The following THRB variants were observed in gnomAD, a reference collection of about 807,000 sequenced individuals.
THRB encodes the protein thyroid hormone receptor beta.
Under a neutral mutation model 47.8 loss-of-function variants are expected in THRB, and 12 were observed. The ratio of observed to expected loss-of-function variants is 0.25; its 90% CI spans 0.16 to 0.41. The LOEUF (loss-of-function observed/expected upper bound fraction) is 0.41. THRB is among the 10% of genes least tolerant of loss of function. THRB has a pLI of 1.00. For synonymous variants in THRB, 218 were observed against 212.2 expected (o/e 1.03, Z -0.24); for missense variants, 348 against 589.2 (o/e 0.59, Z 4.24).
intron 4 of THRB, among the ~76,000 whole-genome samples, chr3:24,198,083 G>C (rs1559572611): frequency 1.3e-5 from 2 of 152,172 alleles, no homozygotes; most frequent in Admixed American, 1.3e-4. Flanking sequence ...AATCTACCCA[G>C]GTGGCTTTGC....
chr3:24,338,789 C>T (rs2062433807), intron 1 of THRB, among the ~76,000 whole-genome samples: 1 of 152,204 alleles, frequency 6.6e-6, no homozygotes, highest in South Asian at 2.1e-4. Flanking sequence ...TTAAAATTGA[C>T]TTGCTTATTA....
At chr3:24,125,380 G>A (rs2032555449) in intron 10 of THRB, among the ~76,000 whole-genome samples, 1 of 152,164 alleles carries the variant, frequency 6.6e-6, no homozygotes, top group South Asian at 2.1e-4. Flanking sequence ...TAACCAGGAA[G>A]AAAACCGTCA....
intron 3 of THRB, among the ~76,000 whole-genome samples, chr3:24,269,436 CACACACTTAAG>C (rs1417519424): frequency 7.3e-6 from 1 of 137,638 alleles, no homozygotes; most frequent in African/African-American, 3.0e-5. Flanking sequence ...CACACACACA[CACACACTTAAG>C]TTATCTTCGC....
At chr3:24,325,270 T>C (rs976368265) in intron 2 of THRB, among the ~76,000 whole-genome samples, 30 of 152,332 alleles carry the variant, frequency 2.0e-4, no homozygotes, top group African/African-American at 7.0e-4. Context: ...CAGACCCTGT[T>C]AACATTGATA....
intron 1 of THRB, among the ~76,000 whole-genome samples, chr3:24,480,383 G>A (rs1248283836): frequency 1.3e-5 from 2 of 152,182 alleles, no homozygotes; most frequent in Admixed American, 1.3e-4. Flanking sequence ...AGAATCCTCA[G>A]AGGACCCACT....
chr3:24,263,512 G>A (rs1431189972), intron 3 of THRB, among the ~76,000 whole-genome samples: 1 of 151,648 alleles, frequency 6.6e-6, no homozygotes, highest in Non-Finnish European at 1.5e-5. Flanking sequence ...CAGTTTCCTA[G>A]TATTTAAATT....
At position 24,133,695 on chromosome 3, in the gene THRB, A is replaced by AAGAGAGAG. The variant is rs10652016; in HGVS notation, c.739-241_739-234dup. 1.8e-3 allele frequency among the ~76,000 whole-genome samples: 268 copies of AAGAGAGAG among 150,362 alleles called. 1 individual carries two copies. Among genetic ancestry groups the AAGAGAGAG allele is most frequent in the East Asian group, 3.6e-3 (18 of 5,018 alleles). On this transcript the variant is annotated intron_variant, in intron 8 of 10. Coordinates refer to ENST00000646209, the MANE Select transcript of THRB (RefSeq NM_001354712.2). ...ATGTTTACAGGACTGTTGCTGCAGA[A>AAGAGAGAG]AGAGAGAGAGAGAGAGAGAGAGAGA...
chr3:24,345,534 C>T (rs1216864139), intron 1 of THRB, among the ~76,000 whole-genome samples: 5 of 152,006 alleles, frequency 3.3e-5, no homozygotes, highest in South Asian at 2.1e-4. Context: ...CCTCAAGTTC[C>T]GTAATAGGAC....
At chr3:24,319,805 T>C (rs1396534116) in intron 2 of THRB, among the ~76,000 whole-genome samples, 1 of 152,222 alleles carries the variant, frequency 6.6e-6, no homozygotes, top group Non-Finnish European at 1.5e-5. Flanking sequence ...ATTCAGAGAA[T>C]GGGTCATATA....
chr3:24,193,055 A>T (rs2043538985), intron 4 of THRB, among the ~76,000 whole-genome samples: 1 of 151,940 alleles, frequency 6.6e-6, no homozygotes. Flanking sequence ...GAAGGATGAG[A>T]CTCCCATGAC....
At position 24,332,078 on chromosome 3, in the gene THRB, C is replaced by T. The variant is rs569393777; in HGVS notation, c.-189+5222G>A. On this transcript the variant is annotated intron_variant, in intron 2 of 10. Coordinates refer to ENST00000646209, the MANE Select transcript of THRB (RefSeq NM_001354712.2). ...GGTACCCAGCCACATTTTCCCACTT[C>T]CTTTGCAACTACGAGTCGGTAGATG... 1.7e-3 allele frequency among the ~76,000 whole-genome samples: 258 copies of T among 152,306 alleles called. 6 individuals are homozygous for T. Among genetic ancestry groups the T allele is most frequent in the Non-Finnish European group, 2.2e-3 (152 of 68,036 alleles).
rs911480719 is a variant in THRB, at chr3:24,394,096, A to G, written c.-260-56725T>C. Among the ~76,000 whole-genome samples the G allele has an allele frequency of 3.9e-5, 6 of 152,138 alleles. No individual in the cohort carries two copies. In the East Asian group the frequency reaches 7.7e-4, roughly 20 times the overall value. ...AAGGCTCAAAGAAGTTAAACAATTC[A>G]CTGAAAATAATCGAGGTTGTGTGGT... is the stretch of plus-strand genomic sequence containing the variant. On this transcript the variant is annotated intron_variant, in intron 1 of 10. Transcript: ENST00000646209.
chr3:24,152,675 C>G (rs1339377878), intron 5 of THRB, among the ~76,000 whole-genome samples, 185 bp from the exon 6 acceptor site: 1 of 152,024 alleles, frequency 6.6e-6, no homozygotes, highest in East Asian at 1.9e-4. Flanking sequence ...CCCAGGATTT[C>G]AGAATGCCTT....
chr3:24,241,551 C>T (rs1275833462), intron 3 of THRB, among the ~76,000 whole-genome samples: 1 of 152,188 alleles, frequency 6.6e-6, no homozygotes, highest in African/African-American at 2.4e-5. Context: ...TGGATGGTGG[C>T]AGTCATGGCC....
intron 2 of THRB, among the ~76,000 whole-genome samples, chr3:24,319,525 T>C (rs1236540579): frequency 6.6e-6 from 1 of 152,224 alleles, no homozygotes; most frequent in Non-Finnish European, 1.5e-5. Context: ...AAAACATTTA[T>C]CAACGGTGAT....
chr3:24,381,716 C>A (rs2065728245), intron 1 of THRB, among the ~76,000 whole-genome samples: 1 of 151,898 alleles, frequency 6.6e-6, no homozygotes, highest in Non-Finnish European at 1.5e-5. Context: ...CCAAATTAAC[C>A]AACTATAACT....
At chr3:24,176,728 T>C (rs187974350) in intron 5 of THRB, among the ~76,000 whole-genome samples, 20 of 152,302 alleles carry the variant, frequency 1.3e-4, no homozygotes, top group African/African-American at 4.6e-4. Context: ...TCCACTTTTG[T>C]TAAGCTTCAG....
chr3:24,207,179 C>A (rs57101423), intron 4 of THRB, among the ~76,000 whole-genome samples: 12 of 151,998 alleles, frequency 7.9e-5, no homozygotes, highest in Middle Eastern at 3.4e-3. Context: ...AAAGCCTGGC[C>A]GAGACACAAC....
chr3:24,487,953 G>C (rs897884906), intron 1 of THRB, among the ~76,000 whole-genome samples: 3 of 152,178 alleles, frequency 2.0e-5, no homozygotes, highest in African/African-American at 7.2e-5. Context: ...ATGGCAAAGG[G>C]AAGAAGTACA....
Sources: allele counts gnomAD v4.1 joint callset (sites outside exome capture counted in the v4.1 genomes callset), GRCh38; gene constraint gnomAD v4.1.1; transcripts MANE v1.5; gene names NCBI Gene and HGNC (gene_info 2026-07-23, HGNC 2026-07-21).